PCDH15: variants seen among roughly 807,000 people sequenced by gnomAD.
The protein encoded by PCDH15 is protocadherin related 15, also known as protocadherin-15.
In PCDH15, 129 loss-of-function variants were observed where a neutral mutation model predicts 178.5. The observed-to-expected ratio is 0.72, with a 90% CI of 0.63 to 0.84. The LOEUF is 0.84. Ranked by LOEUF, PCDH15 falls within the 40% of genes least tolerant of loss-of-function variation. The pLI, the probability that PCDH15 is intolerant of heterozygous loss-of-function variation, is 0.00. For missense variants in PCDH15, 2,230 were observed against 2,099.9 expected, an observed-to-expected ratio of 1.06 and a Z score of -1.21; for synonymous variants, 800 against 732.0, an observed-to-expected ratio of 1.09 and a Z score of -1.50.
chr10:54,134,375 T>C (rs2042702650), intron 14 of PCDH15, among the ~76,000 whole-genome samples: 1 of 151,986 alleles, frequency 6.6e-6, no homozygotes, highest in Admixed American at 6.6e-5. Context: ...AAACTCTTTA[T>C]AAGATGCTTC....
At chr10:55,276,900 A>T (rs565236661) in intron 1 of PCDH15, among the ~76,000 whole-genome samples, 1 of 152,076 alleles carries the variant, frequency 6.6e-6, no homozygotes, top group South Asian at 2.1e-4. Flanking sequence ...CTTCCAATGA[A>T]CTCAGGGCTC....
chr10:54,984,255 A>G (rs1647927413), intron 2 of PCDH15, among the ~76,000 whole-genome samples: 1 of 151,960 alleles, frequency 6.6e-6, no homozygotes. Flanking sequence ...AGTGAGGGAA[A>G]CCAAAATTTA....
chr10:54,635,802 A>G (rs2093837072), intron 2 of PCDH15, among the ~76,000 whole-genome samples: 1 of 151,934 alleles, frequency 6.6e-6, no homozygotes, highest in Non-Finnish European at 1.5e-5. Context: ...AACATCATAA[A>G]TGATACACTG....
At chr10:53,849,015 C>T (rs2078164618) in intron 28 of PCDH15, among the ~76,000 whole-genome samples, 1 of 151,958 alleles carries the variant, frequency 6.6e-6, no homozygotes, top group African/African-American at 2.4e-5. Context: ...ACAACAATAG[C>T]TCAAAGATTT....
intron 2 of PCDH15, among the ~76,000 whole-genome samples, chr10:55,602,870 G>A (rs562124614): frequency 3.3e-5 from 5 of 152,252 alleles, no homozygotes; most frequent in South Asian, 4.1e-4. Flanking sequence ...CACCAGCAAC[G>A]GAACAAAGCT....
At chr10:54,756,089 A>ACACACACACACT (rs143374986) in intron 1 of PCDH15, among the ~76,000 whole-genome samples, 3,873 of 148,248 alleles carry the variant, frequency 0.026, 109 homozygotes, top group East Asian at 0.1. Context: ...ACACACACAC[A>ACACACACACACT]CACACACAAA....
At chr10:55,120,638 G>C (rs1162754385) in intron 2 of PCDH15, among the ~76,000 whole-genome samples, 2 of 152,110 alleles carry the variant, frequency 1.3e-5, no homozygotes, top group African/African-American at 4.8e-5. Context: ...TAGGGAAACA[G>C]GGAAACATGA....
At chr10:53,980,956 C>T (rs2660197) in intron 21 of PCDH15, among the ~76,000 whole-genome samples, 122,483 of 152,100 alleles carry the variant, frequency 0.81, 49,940 homozygotes, top group East Asian at 0.94. Flanking sequence ...AAATATGTAA[C>T]AAATGATATC....
chr10:53,929,788 A>ACACTTTC (rs1392189591), intron 25 of PCDH15, among the ~76,000 whole-genome samples: 4 of 152,202 alleles, frequency 2.6e-5, no homozygotes, highest in Non-Finnish European at 4.4e-5. Context: ...TCCTGATTGA[A>ACACTTTC]AGTCTAGTTA....
At chr10:54,381,593 C>T (rs1016093651) in intron 3 of PCDH15, among the ~76,000 whole-genome samples, 1 of 152,018 alleles carries the variant, frequency 6.6e-6, no homozygotes, top group Non-Finnish European at 1.5e-5. Context: ...CACGACACAA[C>T]ACTAAATAAG....
intron 8 of PCDH15, among the ~76,000 whole-genome samples, chr10:54,278,620 T>G (rs1480448069): frequency 1.3e-5 from 2 of 151,464 alleles, no homozygotes; most frequent in Admixed American, 6.6e-5. Flanking sequence ...AGGAGCATAT[T>G]TGAGACATTG....
chr10:54,830,331 A>G (rs951339365), intron 3 of PCDH15, among the ~76,000 whole-genome samples: 50 of 152,138 alleles, frequency 3.3e-4, no homozygotes, highest in African/African-American at 1.2e-3. Context: ...CTTGGAACCA[A>G]CCCAAATGTC....
chr10:54,170,069 T>C (rs1217198062), intron 13 of PCDH15, among the ~76,000 whole-genome samples: 1 of 141,106 alleles, frequency 7.1e-6, no homozygotes, highest in Non-Finnish European at 1.5e-5. Flanking sequence ...TCACTTGGAC[T>C]GACCCTGACA....
intron 1 of PCDH15, among the ~76,000 whole-genome samples, chr10:54,800,147 C>T (rs1952516096): frequency 6.6e-6 from 1 of 152,234 alleles, no homozygotes; most frequent in African/African-American, 2.4e-5. Context: ...CGATGGCCAT[C>T]TGTGTGTACT....
chr10:55,436,785 A>C (rs1839050123), intron 2 of PCDH15, among the ~76,000 whole-genome samples: 2 of 152,170 alleles, frequency 1.3e-5, no homozygotes, highest in Non-Finnish European at 2.9e-5. Flanking sequence ...AGTTAGGTAT[A>C]TTTTGTAATT....
rs143868065 is a variant in PCDH15 at position 54,291,841 on chromosome 10, C to T, written c.876+25430G>A. Among the ~76,000 whole-genome samples, 240 of 152,190 alleles carry T rather than the reference C, an allele frequency of 1.6e-3. 1 individual carries two copies. Among genetic ancestry groups the T allele is most frequent in the African/African-American group, 3.5e-3 (145 of 41,522 alleles). On this transcript the variant is annotated intron_variant, in intron 8 of 37. Coordinates refer to ENST00000644397, the MANE Select transcript of PCDH15 (RefSeq NM_001384140.1). Reference sequence around the variant, plus strand: ...GAGGCAATAATTAATAGCCTATCAACCAAAAAAGGTCCAGGGCCAGACGGA... The same window carrying T: ...GAGGCAATAATTAATAGCCTATCAATCAAAAAAGGTCCAGGGCCAGACGGA...
chr10:54,170,656 T>C (rs1162868625), intron 13 of PCDH15, among the ~76,000 whole-genome samples: 2 of 151,822 alleles, frequency 1.3e-5, no homozygotes, highest in East Asian at 1.9e-4. Context: ...CCCATGACTG[T>C]ATCCCTCTGA....
At position 55,603,503 on chromosome 10, in the gene PCDH15, G is replaced by A. The variant is rs948150895; in HGVS notation, c.-156+24122C>T. ...TAAGGGCAGCCAGAGAGAAAGGTCA[G>A]GTTACCCTCAAAGGGAAGCCCATCA... On this transcript the variant is annotated intron_variant, in intron 2 of 5. Coordinates refer to the PCDH15 transcript ENST00000613346. Among the ~76,000 whole-genome samples the A allele has an allele frequency of 7.2e-5, 11 of 152,106 alleles. No homozygotes were observed. In the East Asian group the frequency reaches 9.7e-4, roughly 13 times the overall value.
intron 2 of PCDH15, among the ~76,000 whole-genome samples, chr10:55,065,128 T>C (rs1301955114): frequency 2.0e-5 from 3 of 152,108 alleles, no homozygotes; most frequent in Middle Eastern, 3.4e-3. Flanking sequence ...AATTTAAAAA[T>C]AGAAGACAAA....
Sources: allele counts gnomAD v4.1 joint callset (sites outside exome capture counted in the v4.1 genomes callset), GRCh38; gene constraint gnomAD v4.1.1; transcripts MANE v1.5; gene names NCBI Gene and HGNC (gene_info 2026-07-23, HGNC 2026-07-21).